Variants in RBFOX1 observed in about 807,000 individuals in gnomAD.
The protein encoded by RBFOX1 is RNA binding protein fox-1 homolog 1.
In RBFOX1, 8 loss-of-function variants were observed where a neutral mutation model predicts 57.7. The ratio of observed to expected loss-of-function variants is 0.14; its 90% CI spans 0.08 to 0.25. The LOEUF is 0.25. Ranked by LOEUF, RBFOX1 falls within the 10% of genes least tolerant of loss-of-function variation. RBFOX1 has a pLI of 1.00. For synonymous variants in RBFOX1, 326 were observed against 222.4 expected (o/e 1.47, Z -4.15); for missense variants, 611 against 548.5 (o/e 1.11, Z -1.14).
chr16:7,251,084 G>C (rs1232173637), intron 4 of RBFOX1, among the ~76,000 whole-genome samples: 2 of 152,234 alleles, frequency 1.3e-5, no homozygotes, highest in African/African-American at 4.8e-5. Context: ...TAGTCACCAT[G>C]TTAAACAAAA....
At chr16:7,359,265 A>C (rs2097274657) in intron 4 of RBFOX1, among the ~76,000 whole-genome samples, 1 of 152,194 alleles carries the variant, frequency 6.6e-6, no homozygotes, top group South Asian at 2.1e-4. Flanking sequence ...CTATCATAGG[A>C]TATGTAAAAT....
At chr16:7,430,323 C>G (rs191691936) in intron 4 of RBFOX1, among the ~76,000 whole-genome samples, 7 of 152,242 alleles carry the variant, frequency 4.6e-5, no homozygotes, top group Non-Finnish European at 7.4e-5. Context: ...CAGCATCTTA[C>G]TGCTGATAAT....
chr16:6,985,565 C>A (rs546643040), intron 3 of RBFOX1, among the ~76,000 whole-genome samples: 1 of 152,142 alleles, frequency 6.6e-6, no homozygotes, highest in Non-Finnish European at 1.5e-5. Context: ...CAGTGGCTCA[C>A]GCCTGTAATC....
At chr16:6,932,654 A>C (rs1028254459) in intron 3 of RBFOX1, among the ~76,000 whole-genome samples, 16 of 152,098 alleles carry the variant, frequency 1.1e-4, no homozygotes, top group Non-Finnish European at 8.8e-5. Context: ...TTTCATGGAG[A>C]GTTGCACCAG....
chr16:7,431,914 C>T (rs999494894), intron 4 of RBFOX1, among the ~76,000 whole-genome samples: 1 of 152,216 alleles, frequency 6.6e-6, no homozygotes, highest in Admixed American at 6.5e-5. Context: ...GAGGCAGGGG[C>T]TTGTTTCTAG....
intron 1 of RBFOX1, among the ~76,000 whole-genome samples, chr16:5,269,902 C>T (rs1567259384): frequency 6.6e-6 from 1 of 152,192 alleles, no homozygotes; most frequent in Non-Finnish European, 1.5e-5. Flanking sequence ...CACCTGAAAT[C>T]CCAGTGCTTT....
chr16:6,317,051 G>C lies in RBFOX1; in HGVS notation c.-70G>C, dbSNP rs2081198444. 9.8e-6 allele frequency: 15 copies of C among 1,535,084 alleles called. No individual in the cohort carries two copies. Among genetic ancestry groups the C allele is most frequent in the Non-Finnish European group, 1.2e-5 (14 of 1,146,138 alleles). ...CTTACAGCTTCCTTGATCGGACTCA[G>C]CATTCAGTAAGTGCAACCCATTTTG... is the stretch of plus-strand genomic sequence containing the variant. On this transcript the variant is annotated 5_prime_UTR_variant, in exon 2 of 16. Coordinates refer to ENST00000550418, the MANE Select transcript of RBFOX1 (RefSeq NM_018723.4).
intron 2 of RBFOX1, among the ~76,000 whole-genome samples, chr16:5,565,919 C>G (rs1487876883): frequency 6.6e-6 from 1 of 151,758 alleles, no homozygotes; most frequent in Non-Finnish European, 1.5e-5. Flanking sequence ...TGGGAGGGAC[C>G]CGGTGGGAGA....
chr16:7,703,933 C>T (rs2081574894), intron 14 of RBFOX1, among the ~76,000 whole-genome samples: 1 of 152,162 alleles, frequency 6.6e-6, no homozygotes, highest in Admixed American at 6.6e-5. Flanking sequence ...AAAGTCTGGG[C>T]AAGGAGGGAG....
intron 3 of RBFOX1, chr16:6,723,856 C>T (rs1413222493): frequency 1.3e-5 from 2 of 152,070 alleles, no homozygotes; most frequent in African/African-American, 2.4e-5. Flanking sequence ...ACGAGGTTCT[C>T]ACCATTGTTT....
chr16:6,623,089 C>T (rs889491595), intron 2 of RBFOX1, among the ~76,000 whole-genome samples: 4 of 152,196 alleles, frequency 2.6e-5, no homozygotes, highest in African/African-American at 9.7e-5. Flanking sequence ...CCTGCTGTGT[C>T]CCTTGAAGTA....
intron 4 of RBFOX1, among the ~76,000 whole-genome samples, chr16:7,083,263 T>C (rs1009692168): frequency 2.6e-5 from 4 of 151,924 alleles, no homozygotes; most frequent in African/African-American, 9.7e-5. Context: ...CCTCCCACAC[T>C]TGATTAATGG....
Position 6,671,619 on chromosome 16 carries a change from A to C in RBFOX1, c.-16+16969A>C, listed in dbSNP as rs113268058. Among the ~76,000 whole-genome samples the C allele has an allele frequency of 4.8e-3, 726 of 151,878 alleles. 1 individual carries two copies. The highest frequency in any genetic ancestry group is 0.016 in the African/African-American group (664 of 41,388). ...GTTTTCTATCCCTCACCTGCTCCCC[A>C]CCCTTTCCGCCTGAGTCCCCAAAGT... is the stretch of plus-strand genomic sequence containing the variant. On this transcript the variant is annotated intron_variant, in intron 3 of 15. Coordinates refer to ENST00000550418, the MANE Select transcript of RBFOX1 (RefSeq NM_018723.4).
intron 3 of RBFOX1, among the ~76,000 whole-genome samples, chr16:6,706,604 T>C (rs898973637): frequency 1.9e-4 from 29 of 152,184 alleles, no homozygotes; most frequent in Admixed American, 1.2e-3. Flanking sequence ...AATAGAGTTG[T>C]ACTTGTTTCC....
intron 4 of RBFOX1, among the ~76,000 whole-genome samples, chr16:7,492,796 G>A (rs1438619886): frequency 6.6e-6 from 1 of 152,120 alleles, no homozygotes; most frequent in Non-Finnish European, 1.5e-5. Flanking sequence ...CTCTCACCAT[G>A]TGACATGCCT....
At chr16:6,912,249 G>C (rs768287513) in intron 3 of RBFOX1, among the ~76,000 whole-genome samples, 18 of 152,150 alleles carry the variant, frequency 1.2e-4, no homozygotes, top group Non-Finnish European at 2.1e-4. Context: ...TACGTCAGAA[G>C]CACCTGCTGG....
At chr16:7,686,714 GGT>G (rs1469162466) in intron 14 of RBFOX1, among the ~76,000 whole-genome samples, 7 of 152,096 alleles carry the variant, frequency 4.6e-5, no homozygotes, top group Admixed American at 1.3e-4. Flanking sequence ...GGTCCAGACA[GGT>G]GAAATGAATT....
intron 1 of RBFOX1, among the ~76,000 whole-genome samples, chr16:6,175,938 G>C (rs1050217214): frequency 6.6e-6 from 1 of 152,148 alleles, no homozygotes; most frequent in Admixed American, 6.5e-5. Flanking sequence ...GAAAGCTGCT[G>C]TTTGGACTCC....
At chr16:6,551,008 T>A (rs1275396184) in intron 2 of RBFOX1, among the ~76,000 whole-genome samples, 1 of 152,136 alleles carries the variant, frequency 6.6e-6, no homozygotes, top group African/African-American at 2.4e-5. Flanking sequence ...AGGAGAACAG[T>A]GAGCTGACTG....
Sources: allele counts gnomAD v4.1 joint callset (sites outside exome capture counted in the v4.1 genomes callset), GRCh38; gene constraint gnomAD v4.1.1; transcripts MANE v1.5; gene names NCBI Gene and HGNC (gene_info 2026-07-23, HGNC 2026-07-21).